Variants in BBS9 observed in about 807,000 individuals in gnomAD.
BBS9 encodes Bardet-Biedl syndrome 9, also known as protein PTHB1.
In BBS9, 89 loss-of-function variants were observed where a neutral mutation model predicts 117.7. The observed-to-expected ratio is 0.76, with a 90% CI of 0.64 to 0.90. The LOEUF is 0.90. Ranked by LOEUF, BBS9 falls within the 40% of genes least tolerant of loss-of-function variation. The pLI is 0.00. For synonymous variants in BBS9, 379 were observed against 370.9 expected (o/e 1.02, Z -0.25); for missense variants, 982 against 1,042.2 (o/e 0.94, Z 0.80).
At chr7:33,564,475 T>C (rs1437178626) in intron 21 of BBS9, among the ~76,000 whole-genome samples, 1 of 152,172 alleles carries the variant, frequency 6.6e-6, no homozygotes, top group Non-Finnish European at 1.5e-5. Context: ...TCTGAGACCA[T>C]AGTAGTGTTG....
chr7:33,598,499 G>C (rs1863264354), intron 21 of BBS9, among the ~76,000 whole-genome samples: 1 of 152,080 alleles, frequency 6.6e-6, no homozygotes, highest in Non-Finnish European at 1.5e-5. Context: ...ATAAACTGTG[G>C]ACTTTAGTTA....
chr7:33,173,376 C>T (rs906228948), intron 4 of BBS9, among the ~76,000 whole-genome samples: 13 of 151,762 alleles, frequency 8.6e-5, no homozygotes, highest in Admixed American at 6.6e-4. Flanking sequence ...GTCAGGAGAT[C>T]GAGACCATCC....
Position 33,273,215 on chromosome 7 carries a change from T to G in BBS9, c.886+20T>G. 1 of 1,612,958 alleles carries G rather than the reference T, an allele frequency of 6.2e-7. No individual in the cohort carries two copies. The highest frequency in any genetic ancestry group is 1.7e-5 in the Admixed American group (1 of 60,010). On this transcript the variant is annotated intron_variant, in intron 8 of 22. Coordinates refer to ENST00000242067, the MANE Select transcript of BBS9 (RefSeq NM_198428.3). ...GCTCAGGTGTGTAGAAAGATTTTCT[T>G]TTATCTCTTCCATATGTCAAGGCTA...
At chr7:33,473,473 G>A (rs1024285847) in intron 19 of BBS9, among the ~76,000 whole-genome samples, 3 of 152,010 alleles carry the variant, frequency 2.0e-5, no homozygotes, top group South Asian at 4.2e-4. Flanking sequence ...ACAGGGACCC[G>A]ACACCACACC....
At chr7:33,612,088 G>T (rs1317612567) in intron 21 of BBS9, among the ~76,000 whole-genome samples, 3 of 151,206 alleles carry the variant, frequency 2.0e-5, no homozygotes, top group Non-Finnish European at 4.4e-5. Context: ...ACATTTAAGT[G>T]AACTGTTATT....
intron 21 of BBS9, among the ~76,000 whole-genome samples, chr7:33,541,573 A>T (rs1271651244): frequency 6.6e-6 from 1 of 152,222 alleles, no homozygotes; most frequent in Non-Finnish European, 1.5e-5. Context: ...TGATAAATGG[A>T]TAACAAATGT....
chr7:33,266,710 T>C (rs1330521606), intron 7 of BBS9, among the ~76,000 whole-genome samples: 2 of 152,080 alleles, frequency 1.3e-5, no homozygotes, highest in Non-Finnish European at 2.9e-5. Flanking sequence ...TTTTTGTATC[T>C]CCTTGGAAAT....
At chr7:33,481,803 G>A (rs1286191490) in intron 19 of BBS9, among the ~76,000 whole-genome samples, 1 of 152,128 alleles carries the variant, frequency 6.6e-6, no homozygotes, top group East Asian at 1.9e-4. Context: ...TAAATATAGG[G>A]AGATATTTTA....
intron 4 of BBS9, among the ~76,000 whole-genome samples, chr7:33,166,695 G>C (rs1410463316): frequency 6.6e-6 from 1 of 152,246 alleles, no homozygotes; most frequent in Non-Finnish European, 1.5e-5. Context: ...AGCCAGGCGT[G>C]GGATATAATC....
intron 8 of BBS9, 26 bp from the exon 9 acceptor site, chr7:33,273,801 C>G (rs1800242285): frequency 1.9e-6 from 3 of 1,599,558 alleles, no homozygotes; most frequent in Non-Finnish European, 2.6e-6. Context: ...TTCTTAGTGT[C>G]TCTTTTCTGT....
At chr7:33,554,188 G>A (rs1466360784) in intron 21 of BBS9, among the ~76,000 whole-genome samples, 1 of 152,080 alleles carries the variant, frequency 6.6e-6, no homozygotes, top group Non-Finnish European at 1.5e-5. Context: ...ACCTCTCATG[G>A]TAAGGAATTT....
At chr7:33,302,468 A>G (rs1056448093) in intron 9 of BBS9, among the ~76,000 whole-genome samples, 4 of 152,120 alleles carry the variant, frequency 2.6e-5, no homozygotes, top group African/African-American at 9.7e-5. Flanking sequence ...GGTGAGAGAT[A>G]GGGGTCTAGT....
intron 12 of BBS9, among the ~76,000 whole-genome samples, chr7:33,345,237 C>G (rs1469074077): frequency 6.6e-6 from 1 of 152,188 alleles, no homozygotes; most frequent in East Asian, 1.9e-4. Context: ...TTAGTCCTGT[C>G]ATTGTAGAAT....
At chr7:33,222,230 C>A (rs1290005305) in intron 5 of BBS9, among the ~76,000 whole-genome samples, 1 of 152,034 alleles carries the variant, frequency 6.6e-6, no homozygotes, top group Non-Finnish European at 1.5e-5. Context: ...TGCGGTTATA[C>A]CTTTTTAGAT....
rs529212425 is a variant in BBS9 at position 33,407,817 on chromosome 7, G to A, written c.2115+19673G>A. 8.5e-5 allele frequency among the ~76,000 whole-genome samples: 13 copies of A among 152,252 alleles called. No homozygotes were observed. The South Asian group carries it at 2.3e-3, about 27-fold the overall frequency. ...GAAGTTTTGTCTCAGAGGAGTACCC[G>A]GCCATGTGAGGTGTCAGTCTGCCCC... On this transcript the variant is annotated intron_variant, in intron 19 of 22. Coordinates refer to ENST00000242067, the MANE Select transcript of BBS9 (RefSeq NM_198428.3).
intron 5 of BBS9, among the ~76,000 whole-genome samples, chr7:33,208,616 A>G (rs1486597971): frequency 6.6e-6 from 1 of 152,190 alleles, no homozygotes; most frequent in Non-Finnish European, 1.5e-5. Flanking sequence ...TGGTAGTAGC[A>G]GTGGGCTGAT....
chr7:33,431,042 A>G (rs1834369278), intron 19 of BBS9, among the ~76,000 whole-genome samples: 1 of 151,940 alleles, frequency 6.6e-6, no homozygotes, highest in Admixed American at 6.6e-5. Flanking sequence ...AAAAAAAAAA[A>G]AACTTAGACA....
chr7:33,568,039 A>G (rs1168901237), intron 21 of BBS9, among the ~76,000 whole-genome samples: 1 of 152,166 alleles, frequency 6.6e-6, no homozygotes, highest in African/African-American at 2.4e-5. Context: ...TTCAGAACAC[A>G]TAGAAAGAAC....
chr7:33,260,554 C>G (rs1479950291), intron 6 of BBS9, among the ~76,000 whole-genome samples: 1 of 152,214 alleles, frequency 6.6e-6, no homozygotes, highest in Non-Finnish European at 1.5e-5. Flanking sequence ...TGTTAAACAT[C>G]TCTTCACTGA....
Sources: allele counts gnomAD v4.1 joint callset (sites outside exome capture counted in the v4.1 genomes callset), GRCh38; gene constraint gnomAD v4.1.1; transcripts MANE v1.5; gene names NCBI Gene and HGNC (gene_info 2026-07-23, HGNC 2026-07-21).